The following LUZP2 variants were observed in gnomAD, a reference collection of about 807,000 sequenced individuals.
The protein encoded by LUZP2 is leucine zipper protein 2.
LUZP2 carries 52 observed loss-of-function variants against 51.6 expected under a neutral mutation model. The ratio of observed to expected loss-of-function variants is 1.01; its 90% CI spans 0.81 to 1.27. The LOEUF (loss-of-function observed/expected upper bound fraction) is 1.27, where lower values mean the gene tolerates loss of function less well. Ranked by LOEUF, LUZP2 falls within the 50% of genes most tolerant of loss-of-function variation. LUZP2 has a pLI of 0.00. For synonymous variants in LUZP2, 154 were observed against 137.3 expected (o/e 1.12, Z -0.85); for missense variants, 436 against 395.4 (o/e 1.10, Z -0.87).
intron 9 of LUZP2, among the ~76,000 whole-genome samples, chr11:25,044,036 C>CTA (rs143425336): frequency 8.4e-5 from 1 of 11,928 alleles, no homozygotes; most frequent in African/African-American, 1.9e-4. Context: ...TATATAGAGT[C>CTA]TATATATATA....
intron 1 of LUZP2, among the ~76,000 whole-genome samples, chr11:24,530,830 T>G (rs1397536255): frequency 6.8e-6 from 1 of 146,042 alleles, no homozygotes; most frequent in Non-Finnish European, 1.5e-5. Context: ...CTCTCCTGGT[T>G]TTGTCCCTAA....
At chr11:24,903,601 G>A (rs12290807) in intron 5 of LUZP2, among the ~76,000 whole-genome samples, 10,865 of 152,080 alleles carry the variant, frequency 0.071, 1,246 homozygotes, top group African/African-American at 0.24. Context: ...GAGTTATTGC[G>A]TATAATATGT....
intron 1 of LUZP2, among the ~76,000 whole-genome samples, chr11:24,558,979 C>T (rs1249956811): frequency 5.3e-5 from 8 of 152,098 alleles, no homozygotes; most frequent in African/African-American, 1.2e-4. Flanking sequence ...TGGACTGAGA[C>T]GGTTTCTATC....
At chr11:24,503,521 A>G (rs1453765256) in intron 1 of LUZP2, among the ~76,000 whole-genome samples, 1 of 152,240 alleles carries the variant, frequency 6.6e-6, no homozygotes, top group Non-Finnish European at 1.5e-5. Context: ...TACCATAGGT[A>G]GTGATTGCAT....
Position 24,898,179 on chromosome 11 carries a change from C to T in LUZP2, c.397-7812C>T, listed in dbSNP as rs191375658. Among the ~76,000 whole-genome samples, 438 of 151,546 alleles carry T rather than the reference C, an allele frequency of 2.9e-3. 1 individual carries two copies. The highest frequency in any genetic ancestry group is 3.4e-3 in the Middle Eastern group (1 of 292). ...GTGAGAAAATATCCATGAAGAGAAA[C>T]GTAAGAACTTACATAAATTGGAAGA... On this transcript the variant is annotated intron_variant, in intron 5 of 11. Transcript: ENST00000336930.
intron 1 of LUZP2, among the ~76,000 whole-genome samples, chr11:24,526,240 T>A (rs1007532232): frequency 1.4e-5 from 2 of 143,314 alleles, no homozygotes; most frequent in Non-Finnish European, 3.1e-5. Flanking sequence ...AATTAATCAT[T>A]TATATAACTC....
chr11:24,699,218 A>C (rs1487534960), intron 1 of LUZP2, among the ~76,000 whole-genome samples: 1 of 151,906 alleles, frequency 6.6e-6, no homozygotes, highest in African/African-American at 2.4e-5. Context: ...CAGTGATTTA[A>C]CCTTTCTTCC....
rs578081062 is a variant in LUZP2, at chr11:24,785,247, G to T, written c.396+21939G>T. Reference sequence around the variant, plus strand: ...TTGCTGGCTAGTTTTTACTAATGAGGCTGTCTTATCTACTACACTAAGGAA... The same window carrying T: ...TTGCTGGCTAGTTTTTACTAATGAGTCTGTCTTATCTACTACACTAAGGAA... On this transcript the variant is annotated intron_variant, in intron 5 of 11. Transcript: ENST00000336930. Among the ~76,000 whole-genome samples the T allele has an allele frequency of 4.6e-5, 7 of 152,052 alleles. No individual in the cohort carries two copies. In the East Asian group the frequency reaches 1.2e-3, roughly 25 times the overall value.
intron 7 of LUZP2, among the ~76,000 whole-genome samples, chr11:24,951,442 T>A (rs1855076105): frequency 6.6e-6 from 1 of 151,464 alleles, no homozygotes; most frequent in Non-Finnish European, 1.5e-5. Context: ...AAAAGAACAA[T>A]GCTTTTAAGT....
chr11:25,047,340 AT>A (rs201926297), intron 9 of LUZP2, among the ~76,000 whole-genome samples: 4,211 of 14,028 alleles, frequency 0.3, 194 homozygotes, highest in African/African-American at 0.41. Context: ...TATTTTTTTT[AT>A]TTTTTTTTTT....
intron 9 of LUZP2, among the ~76,000 whole-genome samples, chr11:24,998,885 A>C (rs1202014977): frequency 1.3e-5 from 2 of 152,200 alleles, no homozygotes; most frequent in Non-Finnish European, 2.9e-5. Flanking sequence ...AACTAAAAAC[A>C]GTTACTTCAT....
chr11:25,069,392 C>T (rs1859088779), intron 10 of LUZP2, among the ~76,000 whole-genome samples: 1 of 151,778 alleles, frequency 6.6e-6, no homozygotes. Flanking sequence ...ATGAAATATA[C>T]ATCAAATCAA....
At chr11:25,039,091 G>T (rs1456799219) in intron 9 of LUZP2, among the ~76,000 whole-genome samples, 3 of 152,046 alleles carry the variant, frequency 2.0e-5, no homozygotes, top group African/African-American at 7.2e-5. Flanking sequence ...TTGGTCTTGG[G>T]GTTTGAGAAA....
At chr11:24,519,487 A>T (rs1850575663) in intron 1 of LUZP2, among the ~76,000 whole-genome samples, 1 of 152,210 alleles carries the variant, frequency 6.6e-6, no homozygotes, top group African/African-American at 2.4e-5. Context: ...ACAATTGAAG[A>T]AAATAAGTAT....
chr11:24,979,309 A>G (rs1356938534), intron 8 of LUZP2, among the ~76,000 whole-genome samples: 1 of 151,774 alleles, frequency 6.6e-6, no homozygotes. Context: ...GGCTGATTTT[A>G]ACAAATCTCA....
Position 24,951,518 on chromosome 11 carries a change from G to A in LUZP2, c.523-25073G>A, listed in dbSNP as rs569211938. ...AATTTAATTAATTATAAGCATTTAC[G>A]ATTGTGTAAATGAATTAACAAAGTT... On this transcript the variant is annotated intron_variant, in intron 7 of 11. Transcript: ENST00000336930. Among the ~76,000 whole-genome samples, 141 of 151,508 alleles carry A rather than the reference G, an allele frequency of 9.3e-4. 1 individual carries two copies. The highest frequency in any genetic ancestry group is 2.8e-3 in the African/African-American group (115 of 41,400).
chr11:24,534,157 A>T (rs1034804512), intron 1 of LUZP2, among the ~76,000 whole-genome samples: 1 of 151,282 alleles, frequency 6.6e-6, no homozygotes, highest in African/African-American at 2.4e-5. Flanking sequence ...TGGAGTTTTA[A>T]GTTGTTTCAT....
At chr11:25,058,890 A>T (rs1031113688) in intron 10 of LUZP2, among the ~76,000 whole-genome samples, 1 of 152,222 alleles carries the variant, frequency 6.6e-6, no homozygotes, top group Non-Finnish European at 1.5e-5. Context: ...TTGTTCTGTA[A>T]TAAATGTGAA....
At chr11:24,731,505 G>A (rs1858712889) in intron 2 of LUZP2, among the ~76,000 whole-genome samples, 1 of 151,660 alleles carries the variant, frequency 6.6e-6, no homozygotes, top group South Asian at 2.1e-4. Flanking sequence ...GTAATTCATA[G>A]TCTCTGAATT....
Sources: allele counts gnomAD v4.1 joint callset (sites outside exome capture counted in the v4.1 genomes callset), GRCh38; gene constraint gnomAD v4.1.1; transcripts MANE v1.5; gene names NCBI Gene and HGNC (gene_info 2026-07-23, HGNC 2026-07-21).